The following CSMD1 variants were observed in gnomAD, a reference collection of about 807,000 sequenced individuals.
CSMD1 encodes CUB and Sushi multiple domains 1, also known as CUB and sushi domain-containing protein 1.
A neutral mutation model predicts 417.5 loss-of-function variants in CSMD1; 213 were observed. That is an observed-to-expected ratio of 0.51 (90% CI 0.46 to 0.57). The LOEUF is 0.57. Among genes scored for constraint, CSMD1 ranks in the 20% least tolerant of loss-of-function variants. CSMD1 has a pLI of 0.00. For missense variants in CSMD1, 6,923 were observed against 4,529.7 expected (o/e 1.53, Z -15.17); for synonymous variants, 2,862 against 1,736.8 (o/e 1.65, Z -16.11).
At chr8:3,619,902 G>T (rs544504391) in intron 7 of CSMD1, among the ~76,000 whole-genome samples, 1 of 152,216 alleles carries the variant, frequency 6.6e-6, no homozygotes, top group Non-Finnish European at 1.5e-5. Context: ...AGGAATTCAA[G>T]ACTGGCCTGG....
chr8:3,776,325 T>C (rs77820677), intron 5 of CSMD1, among the ~76,000 whole-genome samples: 7,284 of 152,180 alleles, frequency 0.048, 243 homozygotes, highest in Middle Eastern at 0.092. Flanking sequence ...TTAGATCACA[T>C]TGCACCTTGA....
At chr8:3,554,729 A>G (rs1005887715) in intron 10 of CSMD1, among the ~76,000 whole-genome samples, 2 of 152,174 alleles carry the variant, frequency 1.3e-5, no homozygotes, top group Non-Finnish European at 2.9e-5. Flanking sequence ...GAGCTTCAGA[A>G]CTTCCACAGA....
In CSMD1 at chr8:4,906,286, T is replaced by C. The variant is rs530485427; in HGVS notation, c.85+88046A>G. 3.8e-4 allele frequency among the ~76,000 whole-genome samples: 58 copies of C among 152,306 alleles called. 1 individual carries two copies. The highest frequency in any genetic ancestry group is 3.5e-3 in the Admixed American group (54 of 15,302). On this transcript the variant is annotated intron_variant, in intron 1 of 69. Coordinates refer to ENST00000635120, the MANE Select transcript of CSMD1 (RefSeq NM_033225.6). Reference sequence around the variant, plus strand: ...TCCAAGTAAATATTAACAAAACAAATACATTATTCAGTTAACACTCTTTAT... The same window carrying C: ...TCCAAGTAAATATTAACAAAACAAACACATTATTCAGTTAACACTCTTTAT...
chr8:4,243,454 G>C (rs539040185), intron 3 of CSMD1, among the ~76,000 whole-genome samples: 1 of 152,218 alleles, frequency 6.6e-6, no homozygotes, highest in East Asian at 1.9e-4. Flanking sequence ...ACTCTTCCCA[G>C]ATTCGGCTTC....
chr8:3,958,526 G>C (rs997591759), intron 5 of CSMD1, among the ~76,000 whole-genome samples: 2 of 151,992 alleles, frequency 1.3e-5, no homozygotes, highest in Admixed American at 1.3e-4. Context: ...ATTCTTCTGG[G>C]TTTAGTTCTA....
At chr8:3,553,098 G>A (rs939451093) in intron 10 of CSMD1, among the ~76,000 whole-genome samples, 1 of 146,434 alleles carries the variant, frequency 6.8e-6, no homozygotes, top group African/African-American at 2.5e-5. Context: ...CAACCAACCA[G>A]CTAAAAAATA....
intron 3 of CSMD1, among the ~76,000 whole-genome samples, chr8:4,172,309 G>A (rs1797810165): frequency 6.6e-6 from 1 of 152,088 alleles, no homozygotes; most frequent in South Asian, 2.1e-4. Context: ...CTGAGCAGGT[G>A]TGGCTACCGA....
intron 11 of CSMD1, among the ~76,000 whole-genome samples, chr8:3,485,708 T>G (rs973619905): frequency 1.3e-5 from 2 of 151,462 alleles, no homozygotes; most frequent in South Asian, 2.1e-4. Context: ...TGCAGTGAGT[T>G]GAGATTGTGC....
chr8:3,551,877 T>C (rs1457655348), intron 10 of CSMD1, among the ~76,000 whole-genome samples: 1 of 152,124 alleles, frequency 6.6e-6, no homozygotes. Context: ...GTGTCTTTAA[T>C]GTGATCATGC....
Position 3,947,788 on chromosome 8 carries a change from G to C in CSMD1, c.818+50115C>G, listed in dbSNP as rs145962201. 9.9e-5 allele frequency among the ~76,000 whole-genome samples: 15 copies of C among 152,206 alleles called. No individual in the cohort carries two copies. In the East Asian group the frequency reaches 2.9e-3, roughly 29 times the overall value. On this transcript the variant is annotated intron_variant, in intron 5 of 69. Transcript: ENST00000635120. ...TGCGGTTGAAAGGACTGTGTCTTCC[G>C]CTGTTCAAGGGGAAGTGTTTCATAT...
At chr8:3,275,312 G>T (rs932001388) in intron 26 of CSMD1, among the ~76,000 whole-genome samples, 27 of 152,214 alleles carry the variant, frequency 1.8e-4, no homozygotes, top group Non-Finnish European at 3.1e-4. Context: ...TTAGTCTGAT[G>T]GGCTTCCCTT....
At chr8:4,984,886 G>A (rs1027490369) in intron 1 of CSMD1, among the ~76,000 whole-genome samples, 1 of 152,084 alleles carries the variant, frequency 6.6e-6, no homozygotes, top group Non-Finnish European at 1.5e-5. Flanking sequence ...AGTGAGCCAT[G>A]TGATATATGT....
chr8:4,586,470 G>C (rs1454092414), intron 2 of CSMD1, among the ~76,000 whole-genome samples: 3 of 152,162 alleles, frequency 2.0e-5, no homozygotes, highest in Non-Finnish European at 1.5e-5. Flanking sequence ...ATATTTACTG[G>C]TTTAATGATA....
chr8:4,103,242 C>T lies in CSMD1; in HGVS notation c.416-71143G>A, dbSNP rs114884328. Among the ~76,000 whole-genome samples the T allele has an allele frequency of 6.2e-3, 808 of 130,196 alleles. 6 individuals are homozygous for T. Among genetic ancestry groups the T allele is most frequent in the African/African-American group, 0.022 (773 of 34,796 alleles). The allele number at this position is 130,196 out of a possible 152,430, so 85.4% of individuals were successfully genotyped here. On this transcript the variant is annotated intron_variant, in intron 3 of 69. Transcript: ENST00000635120. ...ATAATTATATACATATAAATCTATA[C>T]TGATGATCAGTGTATACATACATTA...
At chr8:3,695,334 C>T (rs1227561667) in intron 7 of CSMD1, among the ~76,000 whole-genome samples, 1 of 151,756 alleles carries the variant, frequency 6.6e-6, no homozygotes, top group Admixed American at 6.6e-5. Context: ...CACTTAATTT[C>T]CTGTAAGAAA....
intron 37 of CSMD1, among the ~76,000 whole-genome samples, chr8:3,174,682 T>G (rs1820795857): frequency 6.6e-6 from 1 of 152,210 alleles, no homozygotes; most frequent in African/African-American, 2.4e-5. Context: ...CCTTTTATGA[T>G]TTTATTGTCA....
chr8:3,288,492 A>T (rs1321719341), intron 25 of CSMD1, among the ~76,000 whole-genome samples: 2 of 147,230 alleles, frequency 1.4e-5, no homozygotes, highest in Non-Finnish European at 2.9e-5. Context: ...TTATTGGTCT[A>T]TTCAGAGATT....
chr8:3,360,135 A>T (rs547024486), intron 20 of CSMD1, among the ~76,000 whole-genome samples: 2 of 152,186 alleles, frequency 1.3e-5, no homozygotes, highest in African/African-American at 4.8e-5. Context: ...GGAACAGTGG[A>T]ATTTTCCTCT....
chr8:4,573,470 T>C lies in CSMD1; in HGVS notation c.302+63872A>G, dbSNP rs1048529377. On this transcript the variant is annotated intron_variant, in intron 2 of 69. Transcript: ENST00000635120. ...GTGGAGGCTGCAGAACAGCAAAGAT[T>C]GCTGCCTGTGTCTTCCTCTGGAAGC... Among the ~76,000 whole-genome samples the C allele has an allele frequency of 3.3e-5, 5 of 152,156 alleles. No individual in the cohort carries two copies. In the East Asian group the frequency reaches 9.7e-4, roughly 29 times the overall value.
Sources: allele counts gnomAD v4.1 joint callset (sites outside exome capture counted in the v4.1 genomes callset), GRCh38; gene constraint gnomAD v4.1.1; transcripts MANE v1.5; gene names NCBI Gene and HGNC (gene_info 2026-07-23, HGNC 2026-07-21).